ADAM12: variants seen among roughly 807,000 people sequenced by gnomAD.
The protein encoded by ADAM12 is ADAM metallopeptidase domain 12, also known as disintegrin and metalloproteinase domain-containing protein 12.
A neutral mutation model predicts 106.4 loss-of-function variants in ADAM12; 70 were observed. That is an observed-to-expected ratio of 0.66 (90% CI 0.54 to 0.80). ADAM12 has a LOEUF of 0.80. Among genes scored for constraint, ADAM12 ranks in the 30% least tolerant of loss-of-function variants. The pLI, the probability that ADAM12 is intolerant of heterozygous loss-of-function variation, is 0.00. For synonymous variants in ADAM12, 420 were observed against 433.5 expected, an observed-to-expected ratio of 0.97 and a Z score of 0.39; for missense variants, 1,010 against 1,171.9, an observed-to-expected ratio of 0.86 and a Z score of 2.02.
At chr10:126,196,609 G>A (rs1957601168) in intron 3 of ADAM12, among the ~76,000 whole-genome samples, 1 of 152,212 alleles carries the variant, frequency 6.6e-6, no homozygotes, top group Admixed American at 6.5e-5. Context: ...TGGATGCTAG[G>A]TGGGATACAA....
intron 1 of ADAM12, among the ~76,000 whole-genome samples, chr10:126,338,330 G>A (rs1480692119): frequency 7.4e-6 from 1 of 135,100 alleles, no homozygotes; most frequent in Non-Finnish European, 1.5e-5. Flanking sequence ...TCGGCTCACT[G>A]CAAGCTCCGC....
intron 1 of ADAM12, among the ~76,000 whole-genome samples, chr10:126,361,743 A>G (rs963825644): frequency 3.9e-5 from 6 of 152,204 alleles, no homozygotes; most frequent in Non-Finnish European, 5.9e-5. Context: ...TAGGCAGTAG[A>G]ATGAAATTGG....
chr10:126,037,773 G>A (rs1954085622), intron 20 of ADAM12, among the ~76,000 whole-genome samples: 1 of 152,162 alleles, frequency 6.6e-6, no homozygotes, highest in African/African-American at 2.4e-5. Flanking sequence ...CAGGGCTGGA[G>A]CAAAATGGTC....
chr10:126,267,495 G>A lies in ADAM12; in HGVS notation c.260+11420C>T, dbSNP rs541685193. 2.6e-3 allele frequency among the ~76,000 whole-genome samples: 390 copies of A among 152,258 alleles called. 2 individuals carry two copies. The highest frequency in any genetic ancestry group is 9.0e-3 in the African/African-American group (372 of 41,554). On this transcript the variant is annotated intron_variant, in intron 3 of 22. Transcript: ENST00000448723. ...CCATCTGGGGGTGATGGGAGACAGC[G>A]ACAGATCATCAGGCATTAGATTCTC...
chr10:126,032,947 C>G (rs1035408957), intron 21 of ADAM12, among the ~76,000 whole-genome samples: 2 of 152,088 alleles, frequency 1.3e-5, no homozygotes, highest in Admixed American at 6.5e-5. Flanking sequence ...AAGAAAAATT[C>G]AATATTCAAA....
intron 11 of ADAM12, among the ~76,000 whole-genome samples, chr10:126,089,547 T>G (rs1481825332): frequency 6.6e-6 from 1 of 152,180 alleles, no homozygotes; most frequent in East Asian, 1.9e-4. Flanking sequence ...ATGGTCTTCT[T>G]AAAAATGAGG....
chr10:126,155,485 G>A (rs1311580964), intron 3 of ADAM12, among the ~76,000 whole-genome samples, 180 bp from the exon 4 acceptor site: 11 of 151,832 alleles, frequency 7.2e-5, no homozygotes, highest in African/African-American at 2.7e-4. Flanking sequence ...GAATTCAGAG[G>A]AGACTCAGAC....
rs138275629 is a variant in ADAM12 at position 126,108,787 on chromosome 10, C to T, written c.670-123G>A. The T allele has an allele frequency of 5.8e-4, 471 of 816,068 alleles. 1 individual carries two copies. The East Asian group carries it at 7.3e-3, about 13-fold the overall frequency. The allele number at this position is 816,068 out of a possible 1,614,324, so 50.6% of individuals were successfully genotyped here. ...ACCACTGGGGACCCTCCACAGTTCA[C>T]GGTAAAATGAGCTTGCATCCTGCCG... is the stretch of plus-strand genomic sequence containing the variant. On this transcript the variant is annotated intron_variant, in intron 7 of 22. Coordinates refer to ENST00000448723, the MANE Select transcript of ADAM12 (RefSeq NM_001288973.2).
intron 3 of ADAM12, among the ~76,000 whole-genome samples, chr10:126,209,916 A>G (rs1411551060): frequency 2.6e-5 from 4 of 152,168 alleles, no homozygotes; most frequent in Admixed American, 1.3e-4. Flanking sequence ...CTAGCACACA[A>G]CTTCACTGGG....
At chr10:126,233,999 C>T (rs996243755) in intron 3 of ADAM12, among the ~76,000 whole-genome samples, 2 of 152,130 alleles carry the variant, frequency 1.3e-5, no homozygotes, top group Admixed American at 6.5e-5. Context: ...AAACAGGCAC[C>T]TATTTTACAG....
intron 3 of ADAM12, among the ~76,000 whole-genome samples, chr10:126,176,126 AAGAGATCAGGC>A (rs1313387382): frequency 6.6e-6 from 1 of 152,232 alleles, no homozygotes. Flanking sequence ...AATAAAACAA[AAGAGATCAGGC>A]ACTGAGTTCC....
Position 126,118,079 on chromosome 10 carries a change from T to C in ADAM12, c.562A>G (p.Lys188Glu). Residue 188 changes from lysine (K) to glutamate (E), a missense_variant, in exon 6 of 23, where the codon AAG becomes GAG. By Grantham distance (56) the Lys-to-Glu change is moderately conservative. Transcript: ENST00000448723. ...TGAGAGGGTGGTGGAAACACATTCT[T>C]TGCAGCGAGGTTTGGTGTGTTGTGA... The part of the protein sequence containing the change: ...SHHNTPNLAA[K>E]NVFPPPSQTW... 1 of 1,614,156 alleles carries C rather than the reference T, an allele frequency of 6.2e-7. No individual in the cohort carries two copies. Among genetic ancestry groups the C allele is most frequent in the Non-Finnish European group, 8.5e-7 (1 of 1,179,998 alleles).
In ADAM12 at chr10:126,256,267, T is replaced by C. The variant is rs145917533; in HGVS notation, c.260+22648A>G. Among the ~76,000 whole-genome samples, 1,014 of 152,222 alleles carry C rather than the reference T, an allele frequency of 6.7e-3. 35 individuals are homozygous for C. Among genetic ancestry groups the C allele is most frequent in the Admixed American group, 0.059 (907 of 15,306 alleles). ...TAGTTTGTGAATGAATGGGTAAACA[T>C]GAATGCAGAGTCCTATGGCTCTGTA... On this transcript the variant is annotated intron_variant, in intron 3 of 22. Transcript: ENST00000448723.
At position 126,350,051 on chromosome 10, in the gene ADAM12, CT is replaced by C. The variant is rs1855294604; in HGVS notation, c.89-19543del. On this transcript the variant is annotated intron_variant, in intron 1 of 22. Coordinates refer to ENST00000448723, the MANE Select transcript of ADAM12 (RefSeq NM_001288973.2). ...GATTGCACGTGGACACAGCTTCCAT[CT>C]AAGAGAGAGTTGAGGGTACTTGTCA... 5.3e-5 allele frequency among the ~76,000 whole-genome samples: 8 copies of C among 152,312 alleles called. No homozygotes were observed. In the South Asian group the frequency reaches 1.7e-3, roughly 32 times the overall value.
At chr10:126,294,763 T>C (rs1296981337) in intron 2 of ADAM12, among the ~76,000 whole-genome samples, 1 of 152,190 alleles carries the variant, frequency 6.6e-6, no homozygotes, top group Non-Finnish European at 1.5e-5. Flanking sequence ...TCTAGAGATA[T>C]CATGTCATAC....
chr10:126,234,960 C>T (rs555738651), intron 3 of ADAM12, among the ~76,000 whole-genome samples: 3 of 152,332 alleles, frequency 2.0e-5, no homozygotes, highest in East Asian at 1.9e-4. Flanking sequence ...GAAACCAAGG[C>T]AGGTCTCCCA....
At chr10:126,293,947 T>C (rs960384625) in intron 2 of ADAM12, among the ~76,000 whole-genome samples, 1 of 152,234 alleles carries the variant, frequency 6.6e-6, no homozygotes, top group Non-Finnish European at 1.5e-5. Context: ...GAAATGTAGT[T>C]ATTTCTGTTT....
chr10:126,339,273 T>C (rs1854833382), intron 1 of ADAM12, among the ~76,000 whole-genome samples: 1 of 152,222 alleles, frequency 6.6e-6, no homozygotes, highest in South Asian at 2.1e-4. Context: ...TTAATTTCAA[T>C]GTCTTGTCAC....
At chr10:126,369,385 T>C (rs145853365) in intron 1 of ADAM12, among the ~76,000 whole-genome samples, 89 of 152,266 alleles carry the variant, frequency 5.8e-4, no homozygotes, top group South Asian at 5.2e-3. Context: ...AAACCGTTGA[T>C]TAGAATGTGA....
Sources: allele counts gnomAD v4.1 joint callset (sites outside exome capture counted in the v4.1 genomes callset), GRCh38; gene constraint gnomAD v4.1.1; transcripts MANE v1.5; gene names NCBI Gene and HGNC (gene_info 2026-07-23, HGNC 2026-07-21).